Variants in PTPDC1 observed in about 807,000 individuals in gnomAD.
PTPDC1 encodes the protein protein tyrosine phosphatase domain containing 1, also known as protein tyrosine phosphatase domain-containing protein 1.
In PTPDC1, 53 loss-of-function variants were observed where a neutral mutation model predicts 75.3. The observed-to-expected ratio is 0.70, with a 90% CI of 0.56 to 0.88. The LOEUF (loss-of-function observed/expected upper bound fraction) is 0.88, where lower values mean the gene tolerates loss of function less well. Among genes scored for constraint, PTPDC1 ranks in the 40% least tolerant of loss-of-function variants. The pLI is 0.00. For missense variants in PTPDC1, 925 were observed against 998.6 expected, an observed-to-expected ratio of 0.93 and a Z score of 0.99; for synonymous variants, 349 against 366.2, an observed-to-expected ratio of 0.95 and a Z score of 0.54.
rs1288742728 is a variant in PTPDC1, at chr9:94,085,423, G to T, written c.416+1G>T. On this transcript the variant is annotated splice_donor_variant, in intron 2 of 8. Coordinates refer to ENST00000620992, the MANE Select transcript of PTPDC1 (RefSeq NM_001253829.2). LOFTEE classifies it high-confidence loss of function. ...CCATTAAGGGGGTTTACTCATCCTG[G>T]TGAGTGATCCTGTTGGTCTTTCATA... 1 of 1,613,854 alleles carries T rather than the reference G, an allele frequency of 6.2e-7. No homozygotes were observed. Among genetic ancestry groups the T allele is most frequent in the African/African-American group, 1.3e-5 (1 of 74,932 alleles).
intron 7 of PTPDC1, among the ~76,000 whole-genome samples, chr9:94,101,990 C>T (rs1222536971): frequency 1.3e-5 from 2 of 152,160 alleles, no homozygotes; most frequent in African/African-American, 4.8e-5. Flanking sequence ...CATTTTCAAA[C>T]ATTTTAAACT....
rs1271493332 is a variant in PTPDC1, at chr9:94,098,457, C to T, written c.1891C>T (p.His631Tyr). The T allele has an allele frequency of 6.2e-7, 1 of 1,614,166 alleles. No homozygotes were observed. The highest frequency in any genetic ancestry group is 1.7e-5 in the Admixed American group (1 of 60,022). The change falls in exon 6 of 9, where the codon CAC (histidine) becomes TAC (tyrosine). Residue 631 changes from histidine to tyrosine, a missense_variant. Coordinates refer to ENST00000620992, the MANE Select transcript of PTPDC1 (RefSeq NM_001253829.2). Reference sequence around the variant, plus strand: ...TAAAGATCTGTCTGAAGCAGCTTCACACTCTGCATTACAGTCTGAATTGAG... The same window carrying T: ...TAAAGATCTGTCTGAAGCAGCTTCATACTCTGCATTACAGTCTGAATTGAG... ...DSKDLSEAASHSALQSELSAE... is the reference protein window; with the variant it reads ...DSKDLSEAASYSALQSELSAE...
At position 94,084,885 on chromosome 9, in the gene PTPDC1, A is replaced by G. The variant is rs1827016065; in HGVS notation, c.244+111A>G. 6.6e-6 allele frequency: 5 copies of G among 756,148 alleles called. No individual in the cohort carries two copies. The South Asian group carries it at 8.3e-5, about 13-fold the overall frequency. 46.8% of individuals were successfully genotyped at this position (756,148 alleles called of 1,614,324 possible). On this transcript the variant is annotated intron_variant, in intron 1 of 8. Transcript: ENST00000620992. ...ATATTGGCAGTTTATTCTATATTAT[A>G]CTTTTTGCTGTCTGTTATGCTATTT...
intron 2 of PTPDC1, among the ~76,000 whole-genome samples, chr9:94,077,876 T>A (rs922050433): frequency 2.6e-5 from 4 of 152,182 alleles, no homozygotes. Flanking sequence ...CAGCCACTAG[T>A]CAACTCATTA....
chr9:94,046,468 T>C (rs1304616019), intron 1 of PTPDC1, among the ~76,000 whole-genome samples: 1 of 152,212 alleles, frequency 6.6e-6, no homozygotes, highest in Non-Finnish European at 1.5e-5. Context: ...TGATTCTTCC[T>C]ACCTATGAGC....
At chr9:94,040,536 A>T (rs1333717476) in intron 1 of PTPDC1, among the ~76,000 whole-genome samples, 12 of 152,150 alleles carry the variant, frequency 7.9e-5, no homozygotes, top group Admixed American at 7.9e-4. Flanking sequence ...GGTATTAGTA[A>T]AAACTAATTT....
intron 1 of PTPDC1, among the ~76,000 whole-genome samples, chr9:94,055,112 A>T (rs989659260): frequency 8.5e-5 from 13 of 152,200 alleles, no homozygotes; most frequent in Non-Finnish European, 1.6e-4. Flanking sequence ...ATTTTTGTAA[A>T]TTTTATTATT....
chr9:94,087,434 C>A (rs963066044), intron 2 of PTPDC1, among the ~76,000 whole-genome samples: 10 of 152,008 alleles, frequency 6.6e-5, no homozygotes, highest in African/African-American at 2.2e-4. Context: ...AGAAAAAAAG[C>A]AAAGTATCTA....
chr9:94,048,471 T>G (rs1447129904), intron 1 of PTPDC1, among the ~76,000 whole-genome samples: 1 of 152,234 alleles, frequency 6.6e-6, no homozygotes, highest in Non-Finnish European at 1.5e-5. Context: ...TACCCAGTAG[T>G]CATTCAGGAG....
rs534312968 is a variant in PTPDC1 at position 94,077,979 on chromosome 9, A to G, written c.83-7272A>G. The stretch of plus-strand genomic sequence containing the variant: ...CAAGACCAAATATGTATTTCACAGT[A>G]TCCCAACAGTCAGTTCCCATTCCAC... On this transcript the variant is annotated intron_variant, in intron 2 of 9. Transcript: ENST00000375360. Among the ~76,000 whole-genome samples, 16 of 152,356 alleles carry G rather than the reference A, an allele frequency of 1.1e-4. No individual in the cohort carries two copies. The East Asian group carries it at 1.2e-3, about 11-fold the overall frequency.
intron 1 of PTPDC1, among the ~76,000 whole-genome samples, chr9:94,050,908 A>G (rs979594410): frequency 6.6e-6 from 1 of 152,160 alleles, no homozygotes; most frequent in African/African-American, 2.4e-5. Context: ...AAGCCTTGGC[A>G]ATGGCGGGCG....
chr9:94,052,739 C>T (rs1330407065), intron 1 of PTPDC1, among the ~76,000 whole-genome samples: 1 of 152,110 alleles, frequency 6.6e-6, no homozygotes, highest in African/African-American at 2.4e-5. Flanking sequence ...TGTTCCAGCA[C>T]AGTTTGTTGG....
chr9:94,036,456 T>C lies in PTPDC1; in HGVS notation c.-7+5329T>C, dbSNP rs186998506. Among the ~76,000 whole-genome samples, 598 of 152,326 alleles carry C rather than the reference T, an allele frequency of 3.9e-3. 8 individuals carry two copies. Among genetic ancestry groups the C allele is most frequent in the Non-Finnish European group, 5.4e-3 (369 of 68,020 alleles). On this transcript the variant is annotated intron_variant, in intron 1 of 9. Transcript: ENST00000375360. ...ACACGATTTATTTAAAAGATTATCC[T>C]TTCCCCATCATGTACTCTTGGCACC...
intron 4 of PTPDC1, among the ~76,000 whole-genome samples, chr9:94,089,311 T>C (rs1218858981): frequency 1.3e-5 from 2 of 150,038 alleles, no homozygotes; most frequent in Admixed American, 1.3e-4. Context: ...TTCCCACCTA[T>C]GAGTGAGAAT....
intron 2 of PTPDC1, among the ~76,000 whole-genome samples, chr9:94,076,380 T>G (rs1410483877): frequency 6.6e-6 from 1 of 152,216 alleles, no homozygotes; most frequent in Non-Finnish European, 1.5e-5. Context: ...ACCAGACTAC[T>G]TTCTGTCTCT....
At chr9:94,081,377 T>C (rs986882769), upstream of PTPDC1, among the ~76,000 whole-genome samples, 1 of 152,086 alleles carries the variant, frequency 6.6e-6, no homozygotes. Context: ...CTCAAAAATA[T>C]ATGGGCCAGG....
At chr9:94,100,739 A>G (rs1827807535) in intron 6 of PTPDC1, 1 of 148,414 alleles carries the variant, frequency 6.7e-6, no homozygotes, top group South Asian at 2.1e-4. Context: ...AGGTGAATGA[A>G]TGAGTGAATG....
chr9:94,102,726 G>A (rs1827886309), intron 7 of PTPDC1, among the ~76,000 whole-genome samples: 1 of 151,982 alleles, frequency 6.6e-6, no homozygotes, highest in African/African-American at 2.4e-5. Context: ...ATTACAGCAT[G>A]TGCCACCACG....
chr9:94,059,170 T>TA (rs936492646), intron 1 of PTPDC1, among the ~76,000 whole-genome samples: 13 of 151,462 alleles, frequency 8.6e-5, no homozygotes, highest in Non-Finnish European at 1.5e-4. Flanking sequence ...TACAAGATGG[T>TA]AAAAAAAAAG....
Sources: allele counts gnomAD v4.1 joint callset (sites outside exome capture counted in the v4.1 genomes callset), GRCh38; gene constraint gnomAD v4.1.1; transcripts MANE v1.5; gene names NCBI Gene and HGNC (gene_info 2026-07-23, HGNC 2026-07-21).